The following HNRNPUL1 variants were observed in gnomAD, a reference collection of about 807,000 sequenced individuals.
HNRNPUL1 encodes heterogeneous nuclear ribonucleoprotein U like 1, also known as heterogeneous nuclear ribonucleoprotein U-like protein 1.
A neutral mutation model predicts 108.5 loss-of-function variants in HNRNPUL1; 14 were observed. The ratio of observed to expected loss-of-function variants is 0.13; its 90% CI spans 0.09 to 0.20. The LOEUF is 0.20. Ranked by LOEUF, HNRNPUL1 falls within the 10% of genes least tolerant of loss-of-function variation. The pLI is 1.00. For synonymous variants in HNRNPUL1, 422 were observed against 445.2 expected (o/e 0.95, Z 0.66); for missense variants, 804 against 1,168.3 (o/e 0.69, Z 4.55).
chr19:41,300,790 G>A (rs2037163548), intron 10 of HNRNPUL1, among the ~76,000 whole-genome samples: 1 of 152,214 alleles, frequency 6.6e-6, no homozygotes, highest in Non-Finnish European at 1.5e-5. Context: ...AACATTAGGA[G>A]CAAAACTGCA....
chr19:41,271,864 T>C (rs1372257852), intron 2 of HNRNPUL1, among the ~76,000 whole-genome samples: 1 of 152,106 alleles, frequency 6.6e-6, no homozygotes, highest in East Asian at 1.9e-4. Context: ...AATTGGAGAA[T>C]TTAGGGTCAT....
chr19:41,284,766 G>A (rs2036114252), intron 7 of HNRNPUL1, among the ~76,000 whole-genome samples: 1 of 152,192 alleles, frequency 6.6e-6, no homozygotes, highest in Admixed American at 6.5e-5. Context: ...GGGCGGCCAA[G>A]GAGGGCAGAT....
chr19:41,303,912 G>A, intron 12 of HNRNPUL1, 60 bp from the exon 13 acceptor site: 2 of 1,558,888 alleles, frequency 1.3e-6, no homozygotes, highest in South Asian at 1.2e-5. Flanking sequence ...AGACAACCCA[G>A]TTCCCTGGGG....
chr19:41,292,796 CAGA>C lies in HNRNPUL1; in HGVS notation c.1266+287_1266+289del, dbSNP rs1417683236. Among the ~76,000 whole-genome samples, 1 of 152,134 alleles carries C rather than the reference CAGA, an allele frequency of 6.6e-6. No homozygotes were observed. The highest frequency in any genetic ancestry group is 1.5e-5 in the Non-Finnish European group (1 of 68,020). On this transcript the variant is annotated intron_variant, in intron 8 of 14. Coordinates refer to ENST00000392006, the MANE Select transcript of HNRNPUL1 (RefSeq NM_007040.6). The surrounding 1 kb of genome is among the most constrained non-coding windows in gnomAD (Gnocchi z 4.1). ...GGGGAAAAGGAGGCTTTTCTTACAG[CAGA>C]AAAGGACACTAGGCGCTTCTTGGGG...
rs1220144254 is a variant in HNRNPUL1 at position 41,306,502 on chromosome 19, C to T, written c.2508C>T (p.Tyr836=). Residue 836 remains tyrosine (Y), a synonymous_variant, in exon 15 of 15, where the codon TAC becomes TAT. Coordinates refer to ENST00000392006, the MANE Select transcript of HNRNPUL1 (RefSeq NM_007040.6). ...YYQNQGQWPP[Y]YGNYDYGSYS... ...AGAACCAGGGCCAGTGGCCGCCATA[C>T]TACGGGAACTACGACTACGGGAGCT... is the stretch of plus-strand genomic sequence containing the variant. 3.1e-6 allele frequency: 5 copies of T among 1,606,626 alleles called. No homozygotes were observed. In the African/African-American group the frequency reaches 6.7e-5, roughly 22 times the overall value.
At position 41,297,381 on chromosome 19, in the gene HNRNPUL1, C is replaced by G. The variant is rs543537512; in HGVS notation, c.1518+2695C>G. Among the ~76,000 whole-genome samples, 6 of 152,226 alleles carry G rather than the reference C, an allele frequency of 3.9e-5. No homozygotes were observed. The South Asian group carries it at 1.2e-3, about 32-fold the overall frequency. On this transcript the variant is annotated intron_variant, in intron 10 of 14. Coordinates refer to ENST00000392006, the MANE Select transcript of HNRNPUL1 (RefSeq NM_007040.6). ...CTTTGTCCTGAGGAGAGTGGGGAGT[C>G]ATGGTTAGGTTTTCATCCGGAGGAA...
At chr19:41,301,512 C>T in intron 10 of HNRNPUL1, 24 bp from the exon 11 acceptor site, 1 of 1,597,614 alleles carries the variant, frequency 6.3e-7, no homozygotes, top group Non-Finnish European at 8.5e-7. Context: ...CCATCTCTTG[C>T]CTCTTCTGTT....
At chr19:41,296,351 G>T (rs2036895987) in intron 10 of HNRNPUL1, among the ~76,000 whole-genome samples, 1 of 152,216 alleles carries the variant, frequency 6.6e-6, no homozygotes, top group East Asian at 1.9e-4. Context: ...CAGGGTCTAG[G>T]GCTGTACCAG....
intron 13 of HNRNPUL1, among the ~76,000 whole-genome samples, chr19:41,305,362 C>G (rs1365918888): frequency 2.0e-5 from 3 of 152,006 alleles, no homozygotes; most frequent in Admixed American, 2.0e-4. Context: ...AGGAGTTGTT[C>G]TTGTTCTATT....
chr19:41,275,238 G>A (rs1378487074), intron 4 of HNRNPUL1, among the ~76,000 whole-genome samples: 3 of 152,072 alleles, frequency 2.0e-5, no homozygotes, highest in Admixed American at 6.6e-5. Flanking sequence ...CACAGAGGGC[G>A]GTAGGAATAT....
chr19:41,269,145 A>C (rs1185713635), intron 2 of HNRNPUL1, among the ~76,000 whole-genome samples: 1 of 149,434 alleles, frequency 6.7e-6, no homozygotes, highest in Non-Finnish European at 1.5e-5. Context: ...AGAAGTCCAG[A>C]ATTTAAAAAA....
chr19:41,274,531 G>T (rs1443788090), intron 4 of HNRNPUL1, among the ~76,000 whole-genome samples: 1 of 152,174 alleles, frequency 6.6e-6, no homozygotes. Context: ...AACCTGGCCC[G>T]CCCTGCTGTC....
At position 41,279,082 on chromosome 19, in the gene HNRNPUL1, T is replaced by C. The variant is rs2035751975; in HGVS notation, c.792T>C (p.Asn264=). ...RGRVCFEMKI[N]EEISVKHLPS... is the part of the protein sequence containing the mutation. The stretch of plus-strand genomic sequence containing the variant: ...CTTTTGTCCTCTTTCCTCAGATCAA[T>C]GAGGAAATCTCCGTGAAGCACCTTC... Residue 264 remains asparagine (N), a synonymous_variant, in exon 6 of 15, where the codon AAT becomes AAC. Coordinates refer to ENST00000392006, the MANE Select transcript of HNRNPUL1 (RefSeq NM_007040.6). 6.2e-7 allele frequency: 1 copy of C among 1,613,648 alleles called. No homozygotes were observed. The highest frequency in any genetic ancestry group is 1.3e-5 in the African/African-American group (1 of 75,018).
At chr19:41,302,522 T>C in intron 11 of HNRNPUL1, 143 bp from the exon 12 acceptor site, 1 of 1,107,512 alleles carries the variant, frequency 9.0e-7, no homozygotes, top group East Asian at 2.4e-5. Context: ...CCCGCCCTTC[T>C]GTCTATGTCT....
chr19:41,273,907 C>T (rs191718180), intron 3 of HNRNPUL1, 75 bp from the exon 4 acceptor site: 86 of 1,223,772 alleles, frequency 7.0e-5, no homozygotes, highest in Non-Finnish European at 8.6e-5. Flanking sequence ...TCATAGATTA[C>T]AGCAGAACAT....
chr19:41,264,797 T>G lies in HNRNPUL1; in HGVS notation c.294T>G (p.His98Gln). ...EPGGYSGPDG[H>Q]YAMDNITRQN... ...GCGGCTACTCGGGGCCGGACGGACA[T>G]TGTGAGAGTGCGCGGGGCGGGGGCC... The change falls in exon 1 of 15, where the codon CAT becomes CAG. Residue 98 changes from histidine to glutamine, a missense_variant and splice_region_variant. Transcript: ENST00000392006. 1 of 1,353,010 alleles carries G rather than the reference T, an allele frequency of 7.4e-7. No individual in the cohort carries two copies. Among genetic ancestry groups the G allele is most frequent in the Non-Finnish European group, 9.5e-7 (1 of 1,057,332 alleles). 83.8% of individuals were successfully genotyped at this position (1,353,010 alleles called of 1,614,324 possible).
upstream of HNRNPUL1, chr19:41,262,882 A>T (rs2034588027): frequency 6.6e-6 from 1 of 152,156 alleles, no homozygotes; most frequent in Non-Finnish European, 1.5e-5. Context: ...TCTACTAAAA[A>T]TACAAAAATT....
At chr19:41,303,950 C>A in intron 12 of HNRNPUL1, 22 bp from the exon 13 acceptor site, 1 of 1,590,158 alleles carries the variant, frequency 6.3e-7, no homozygotes, top group South Asian at 1.1e-5. Flanking sequence ...TGGCGCCTTT[C>A]ATCTGGATTT....
chr19:41,304,665 G>A (rs2037439564), intron 13 of HNRNPUL1, among the ~76,000 whole-genome samples: 1 of 152,154 alleles, frequency 6.6e-6, no homozygotes, highest in African/African-American at 2.4e-5. Flanking sequence ...ATAATAACCA[G>A]GGCACTAAGG....
Sources: gnomAD v4.1 joint callset for allele counts (sites outside exome capture counted in the v4.1 genomes callset) on GRCh38, gnomAD v4.1.1 for gene constraint, Gnocchi (gnomAD v3.1) non-coding constraint, MANE v1.5 for transcripts, NCBI Gene and HGNC (gene_info 2026-07-23, HGNC 2026-07-21) for gene names.